RNF214: variants seen among roughly 807,000 people sequenced by gnomAD.
RNF214 encodes ring finger protein 214.
RNF214 carries 25 observed loss-of-function variants against 75.9 expected under a neutral mutation model. The observed-to-expected ratio is 0.33, with a 90% CI of 0.24 to 0.46. The LOEUF is 0.46. RNF214 is among the 20% of genes least tolerant of loss of function. The pLI is 1.00. For synonymous variants in RNF214, 314 were observed against 308.8 expected (o/e 1.02, Z -0.18); for missense variants, 725 against 857.5 (o/e 0.85, Z 1.93).
chr11:117,233,929 C>A (rs1468902999), intron 1 of RNF214, among the ~76,000 whole-genome samples: 1 of 152,172 alleles, frequency 6.6e-6, no homozygotes, highest in Admixed American at 6.5e-5. Context: ...AAAATGATAG[C>A]AGACAAGGTA....
intron 5 of RNF214, among the ~76,000 whole-genome samples, chr11:117,245,845 A>G (rs531571845): frequency 3.3e-5 from 5 of 152,352 alleles, no homozygotes; most frequent in Non-Finnish European, 7.3e-5. Context: ...CTAAGTATAC[A>G]TGTCTTTGTG....
intron 5 of RNF214, 79 bp from the exon 6 acceptor site, chr11:117,246,730 T>C (rs2033235494): frequency 7.3e-7 from 1 of 1,365,792 alleles, no homozygotes; most frequent in Non-Finnish European, 9.7e-7. Context: ...TTTGTGATAG[T>C]TGAAAATAAC....
At chr11:117,252,315 A>G (rs116203318) in intron 6 of RNF214, among the ~76,000 whole-genome samples, 269 of 152,370 alleles carry the variant, frequency 1.8e-3, no homozygotes, top group African/African-American at 6.1e-3. Flanking sequence ...GAATGAGAGA[A>G]GTGAACACAT....
intron 6 of RNF214, among the ~76,000 whole-genome samples, chr11:117,261,328 C>G (rs1399145665): frequency 6.6e-6 from 1 of 152,042 alleles, no homozygotes; most frequent in Non-Finnish European, 1.5e-5. Flanking sequence ...GCCTGTAATC[C>G]CAGCACTTTG....
intron 4 of RNF214, among the ~76,000 whole-genome samples, chr11:117,240,305 G>C (rs2033035490): frequency 6.6e-6 from 1 of 150,968 alleles, no homozygotes; most frequent in South Asian, 2.1e-4. Flanking sequence ...GAGCCAAGGA[G>C]GTCGAGGCTG....
At chr11:117,278,087 G>A (rs1408409229) in intron 6 of RNF214, among the ~76,000 whole-genome samples, 3 of 151,988 alleles carry the variant, frequency 2.0e-5, no homozygotes, top group South Asian at 2.1e-4. Context: ...GGTGGATCAC[G>A]AGGTCAGGAG....
intron 6 of RNF214, among the ~76,000 whole-genome samples, chr11:117,260,112 T>C (rs982483553): frequency 3.3e-5 from 5 of 151,822 alleles, no homozygotes; most frequent in African/African-American, 1.2e-4. Flanking sequence ...AGGCACAACA[T>C]TGGAATGTGT....
chr11:117,265,401 T>G (rs1218027271), intron 6 of RNF214, among the ~76,000 whole-genome samples: 1 of 152,144 alleles, frequency 6.6e-6, no homozygotes, highest in Non-Finnish European at 1.5e-5. Context: ...GAATTATCTC[T>G]TAGTTGTTTT....
chr11:117,239,706 A>ATT (rs2033018686), intron 3 of RNF214, 95 bp from the exon 4 acceptor site: 1 of 728,154 alleles, frequency 1.4e-6, no homozygotes, highest in South Asian at 1.5e-5. Context: ...AAGAGTAAAA[A>ATT]GTTAGTTACC....
intron 3 of RNF214, 21 bp downstream of exon 3, chr11:117,239,132 T>C (rs533576940): frequency 5.1e-6 from 8 of 1,567,662 alleles, no homozygotes; most frequent in Middle Eastern, 1.7e-4. Flanking sequence ...AAGTTTCTAC[T>C]ACTAAAATGT....
chr11:117,236,575 C>T (rs1421961260), intron 2 of RNF214, among the ~76,000 whole-genome samples: 1 of 152,126 alleles, frequency 6.6e-6, no homozygotes, highest in Non-Finnish European at 1.5e-5. Flanking sequence ...CCTGGCCGTC[C>T]CTCAACTCTT....
chr11:117,281,220 C>T (rs574924558), intron 8 of RNF214, 94 bp from the exon 9 acceptor site: 9 of 815,012 alleles, frequency 1.1e-5, no homozygotes, highest in East Asian at 8.1e-5. Flanking sequence ...GTGATCTGCC[C>T]GCCTTGGCCT....
At chr11:117,283,068 G>T in intron 13 of RNF214, 47 bp from the exon 14 acceptor site, 1 of 1,336,522 alleles carries the variant, frequency 7.5e-7, no homozygotes, top group Non-Finnish European at 1.1e-6. Flanking sequence ...AAGGCAAGGA[G>T]ACCCAGAGGT....
At chr11:117,261,531 G>C (rs1302391716) in intron 6 of RNF214, among the ~76,000 whole-genome samples, 2 of 152,192 alleles carry the variant, frequency 1.3e-5, no homozygotes, top group Non-Finnish European at 2.9e-5. Flanking sequence ...AGTGAGCTGA[G>C]ATCACGCCAC....
chr11:117,243,772 G>A (rs555552094), intron 4 of RNF214, among the ~76,000 whole-genome samples: 1 of 152,284 alleles, frequency 6.6e-6, no homozygotes, highest in South Asian at 2.1e-4. Flanking sequence ...GCCCAGGCTG[G>A]TCTTCAGCTT....
chr11:117,249,084 A>G (rs1429671708), intron 6 of RNF214, among the ~76,000 whole-genome samples: 3 of 152,066 alleles, frequency 2.0e-5, no homozygotes, highest in Non-Finnish European at 2.9e-5. Context: ...CATCATGCCC[A>G]GATAATTTTT....
At chr11:117,258,405 G>A (rs534236943) in intron 6 of RNF214, among the ~76,000 whole-genome samples, 2 of 151,776 alleles carry the variant, frequency 1.3e-5, no homozygotes, top group Non-Finnish European at 2.9e-5. Flanking sequence ...CACCACACGA[G>A]GTCTTATTTT....
intron 6 of RNF214, among the ~76,000 whole-genome samples, chr11:117,252,170 A>G (rs2033412295): frequency 6.6e-6 from 1 of 151,968 alleles, no homozygotes. Flanking sequence ...TGCCTGGCCT[A>G]TGATTTGCAT....
chr11:117,271,724 C>T (rs77451506), intron 6 of RNF214, among the ~76,000 whole-genome samples: 1 of 152,154 alleles, frequency 6.6e-6, no homozygotes, highest in Admixed American at 6.6e-5. Context: ...AGGAGTTGAT[C>T]AGTTCTCATT....
Sources: allele counts gnomAD v4.1 joint callset (sites outside exome capture counted in the v4.1 genomes callset), GRCh38; gene constraint gnomAD v4.1.1; transcripts MANE v1.5; gene names NCBI Gene and HGNC (gene_info 2026-07-23, HGNC 2026-07-21).